LRGUK: variants seen among roughly 807,000 people sequenced by gnomAD.
LRGUK encodes the protein leucine rich repeats and guanylate kinase domain containing, also known as leucine-rich repeat and guanylate kinase domain-containing protein.
In LRGUK, 65 loss-of-function variants were observed where a neutral mutation model predicts 76.0. The ratio of observed to expected loss-of-function variants is 0.85; its 90% CI spans 0.70 to 1.05. LRGUK has a LOEUF of 1.05. LRGUK is among the 50% of genes least tolerant of loss of function. The pLI, the probability that LRGUK is intolerant of heterozygous loss-of-function variation, is 0.00. For synonymous variants in LRGUK, 268 were observed against 265.6 expected (o/e 1.01, Z -0.09); for missense variants, 758 against 732.8 (o/e 1.03, Z -0.40).
intron 1 of LRGUK, among the ~76,000 whole-genome samples, chr7:134,132,728 G>A (rs536587248): frequency 1.3e-5 from 2 of 152,250 alleles, no homozygotes; most frequent in Admixed American, 6.5e-5. Context: ...AGACAAAAGG[G>A]GGCAAAAATG....
chr7:134,216,256 A>G (rs925974836), intron 15 of LRGUK, among the ~76,000 whole-genome samples: 1 of 152,146 alleles, frequency 6.6e-6, no homozygotes, highest in East Asian at 1.9e-4. Flanking sequence ...AAATGTTTGC[A>G]TTTTCCTGTT....
intron 16 of LRGUK, among the ~76,000 whole-genome samples, chr7:134,226,080 C>A (rs2117164048): frequency 6.6e-6 from 1 of 152,224 alleles, no homozygotes; most frequent in African/African-American, 2.4e-5. Flanking sequence ...AAACATTTAT[C>A]TTAAATTATC....
downstream of LRGUK, among the ~76,000 whole-genome samples, chr7:134,211,116 CT>C (rs1255713908): frequency 6.6e-6 from 1 of 152,234 alleles, no homozygotes; most frequent in Non-Finnish European, 1.5e-5. Context: ...CTGTTCAGCA[CT>C]GTCCAAACCT....
intron 16 of LRGUK, among the ~76,000 whole-genome samples, chr7:134,231,776 G>GTTC (rs1563193657): frequency 1.6e-5 from 1 of 60,666 alleles, no homozygotes; most frequent in African/African-American, 8.6e-5. Context: ...TCCTTCCTCC[G>GTTC]TCCGTCCCTC....
intron 3 of LRGUK, among the ~76,000 whole-genome samples, chr7:134,140,267 G>A (rs1275376517): frequency 6.6e-6 from 1 of 152,032 alleles, no homozygotes; most frequent in African/African-American, 2.4e-5. Flanking sequence ...ACTGTGCCCG[G>A]GCCTACATTT....
chr7:134,147,788 G>A (rs1798038324), intron 4 of LRGUK, among the ~76,000 whole-genome samples: 1 of 152,102 alleles, frequency 6.6e-6, no homozygotes, highest in Non-Finnish European at 1.5e-5. Flanking sequence ...ATGATCGGGT[G>A]TGGTGGCTCA....
At chr7:134,223,574 C>T (rs949597812) in intron 16 of LRGUK, among the ~76,000 whole-genome samples, 8 of 152,110 alleles carry the variant, frequency 5.3e-5, no homozygotes, top group Admixed American at 3.3e-4. Flanking sequence ...AATCAAATGT[C>T]GTTAGAAATG....
intron 12 of LRGUK, among the ~76,000 whole-genome samples, chr7:134,194,286 T>C (rs1800390650): frequency 6.6e-6 from 1 of 152,272 alleles, no homozygotes; most frequent in South Asian, 2.1e-4. Context: ...TTCTAGAAAA[T>C]GTTTTTTTTA....
chr7:134,150,023 C>CCT (rs1798139832), intron 5 of LRGUK, among the ~76,000 whole-genome samples: 1 of 152,148 alleles, frequency 6.6e-6, no homozygotes, highest in Non-Finnish European at 1.5e-5. Flanking sequence ...TGCCTGTGAT[C>CCT]CCAGCACTTT....
At chr7:134,131,536 C>T (rs1797307240) in intron 1 of LRGUK, among the ~76,000 whole-genome samples, 2 of 152,100 alleles carry the variant, frequency 1.3e-5, no homozygotes, top group African/African-American at 4.8e-5. Flanking sequence ...GCTTTTCCTA[C>T]CGATGAGTTA....
At chr7:134,150,392 G>A (rs1798165433) in intron 5 of LRGUK, among the ~76,000 whole-genome samples, 1 of 151,930 alleles carries the variant, frequency 6.6e-6, no homozygotes, top group Non-Finnish European at 1.5e-5. Context: ...AACCTGGGAG[G>A]TGGAGGTTGC....
intron 1 of LRGUK, among the ~76,000 whole-genome samples, chr7:134,132,962 C>T (rs2116801807): frequency 6.6e-6 from 1 of 152,198 alleles, no homozygotes; most frequent in African/African-American, 2.4e-5. Flanking sequence ...GAGAGATGGG[C>T]TAGTCAAGAA....
chr7:134,201,549 C>A, exon 15 of LRGUK: 2 of 1,613,784 alleles, frequency 1.2e-6, no homozygotes, highest in Non-Finnish European at 8.5e-7. Flanking sequence ...GACTGAGGAA[C>A]CTGCCAAGAG....
the LRGUK span, among the ~76,000 whole-genome samples, chr7:134,270,070 G>C: frequency 1.3e-5 from 2 of 152,128 alleles, no homozygotes; most frequent in Admixed American, 1.3e-4. Context: ...ATTTAACATA[G>C]GACTAGAAGT....
In LRGUK at chr7:134,222,472, A is replaced by T. The variant is rs562671616; in HGVS notation, c.1983+554A>T. On this transcript the variant is annotated intron_variant, in intron 16 of 19. Transcript: ENST00000285928. Reference sequence around the variant, plus strand: ...TTGTTTTCCATCTGTAATCATTTTTATGTGATGATCTGGGAATACAAAGAG... The same window carrying T: ...TTGTTTTCCATCTGTAATCATTTTTTTGTGATGATCTGGGAATACAAAGAG... Among the ~76,000 whole-genome samples the T allele has an allele frequency of 6.8e-4, 104 of 152,336 alleles. 1 individual carries two copies. The highest frequency in any genetic ancestry group is 1.1e-3 in the Admixed American group (17 of 15,304).
At chr7:134,241,163 GT>G (rs1216395075) in intron 16 of LRGUK, among the ~76,000 whole-genome samples, 5 of 152,138 alleles carry the variant, frequency 3.3e-5, no homozygotes, top group African/African-American at 1.2e-4. Flanking sequence ...AAAATAACCA[GT>G]TAACATCATA....
intron 1 of LRGUK, among the ~76,000 whole-genome samples, chr7:134,134,001 T>A (rs79920245): frequency 6.6e-6 from 1 of 151,538 alleles, no homozygotes; most frequent in Admixed American, 6.6e-5. Flanking sequence ...GGTTGAGGCT[T>A]CAGTGAACTG....
intron 15 of LRGUK, among the ~76,000 whole-genome samples, chr7:134,201,780 ATGGACC>A (rs921673840): frequency 3.3e-5 from 5 of 152,078 alleles, no homozygotes; most frequent in African/African-American, 1.2e-4. Flanking sequence ...CATGGTCATG[ATGGACC>A]TCCAGGTACT....
downstream of LRGUK, among the ~76,000 whole-genome samples, chr7:134,267,078 A>G (rs1208180240): frequency 6.6e-6 from 1 of 152,218 alleles, no homozygotes; most frequent in Non-Finnish European, 1.5e-5. Context: ...TTCTCAGATG[A>G]AAGAAAACAA....
Sources: allele counts gnomAD v4.1 joint callset (sites outside exome capture counted in the v4.1 genomes callset), GRCh38; gene constraint gnomAD v4.1.1; transcripts MANE v1.5; gene names NCBI Gene and HGNC (gene_info 2026-07-23, HGNC 2026-07-21).